TTC6: variants seen among roughly 807,000 people sequenced by gnomAD.
The protein encoded by TTC6 is tetratricopeptide repeat protein 6.
A neutral mutation model predicts 210.4 loss-of-function variants in TTC6; 172 were observed. The ratio of observed to expected loss-of-function variants is 0.82; its 90% CI spans 0.72 to 0.93. The LOEUF (loss-of-function observed/expected upper bound fraction) is 0.93, where lower values mean the gene tolerates loss of function less well. Among genes scored for constraint, TTC6 ranks in the 40% least tolerant of loss-of-function variants. The pLI is 0.00. For missense variants in TTC6, 2,414 were observed against 2,318.1 expected, an observed-to-expected ratio of 1.04 and a Z score of -0.85; for synonymous variants, 804 against 819.6, an observed-to-expected ratio of 0.98 and a Z score of 0.32.
At chr14:37,627,329 A>G (rs953290674) in intron 1 of TTC6, among the ~76,000 whole-genome samples, 1 of 151,286 alleles carries the variant, frequency 6.6e-6, no homozygotes, top group African/African-American at 2.4e-5. Flanking sequence ...TTTTATTATT[A>G]TACTTTAAGT....
chr14:37,793,361 C>CT (rs2139347719), intron 17 of TTC6, among the ~76,000 whole-genome samples: 1 of 152,230 alleles, frequency 6.6e-6, no homozygotes, highest in Admixed American at 6.5e-5. Context: ...AACAAAAAAA[C>CT]AAAAAACCCA....
chr14:37,770,982 CT>C (rs1462380428), intron 14 of TTC6, among the ~76,000 whole-genome samples: 65 of 124,398 alleles, frequency 5.2e-4, no homozygotes, highest in Non-Finnish European at 9.0e-4. Context: ...TTCAGGAGCT[CT>C]TTTAGGGCAG....
At chr14:37,748,786 T>G (rs2139016626) in intron 10 of TTC6, among the ~76,000 whole-genome samples, 153 bp from the exon 13 acceptor site, 1 of 152,296 alleles carries the variant, frequency 6.6e-6, no homozygotes, top group Admixed American at 6.5e-5. Flanking sequence ...GTGTTACCAT[T>G]TTATTAAATG....
At chr14:37,707,437 T>G (rs1330946334) in intron 5 of TTC6, among the ~76,000 whole-genome samples, 1 of 152,106 alleles carries the variant, frequency 6.6e-6, no homozygotes, top group Non-Finnish European at 1.5e-5. Context: ...ATCATTGTTT[T>G]GCTTAGATTT....
At chr14:37,727,291 A>ATTTTTTTTTTAT (rs2095874933) in intron 7 of TTC6, among the ~76,000 whole-genome samples, 1 of 92,242 alleles carries the variant, frequency 1.1e-5, no homozygotes, top group Non-Finnish European at 2.2e-5. Context: ...TATTTTTCTA[A>ATTTTTTTTTTAT]TTTTTTTTTT....
At chr14:37,685,472 AAAAG>A (rs2095791870) in intron 3 of TTC6, among the ~76,000 whole-genome samples, 2 of 152,192 alleles carry the variant, frequency 1.3e-5, no homozygotes, top group Admixed American at 1.3e-4. Flanking sequence ...AGGGGGAATA[AAAAG>A]AAAGATAACT....
At chr14:37,620,454 G>A (rs1005698852), upstream of TTC6, among the ~76,000 whole-genome samples, 7 of 152,142 alleles carry the variant, frequency 4.6e-5, no homozygotes, top group Non-Finnish European at 8.8e-5. Context: ...TCCTCTTGGT[G>A]TGTTCTGTGG....
chr14:37,769,359 A>G (rs921161501), intron 14 of TTC6, among the ~76,000 whole-genome samples: 8 of 151,636 alleles, frequency 5.3e-5, no homozygotes, highest in Non-Finnish European at 7.4e-5. Flanking sequence ...ATTGATTGGA[A>G]TAGTTTCAGA....
rs177833 is a variant in TTC6, at chr14:37,625,970, T to C, written c.939+2967T>C. ...CATTTTGGGCCACTTAATTTTTCAT[T>C]GAAGGTGGCTGTCCTGTGAATTGTA... On this transcript the variant is annotated intron_variant, in intron 1 of 30. Transcript: ENST00000553443. Among the ~76,000 whole-genome samples the C allele has an allele frequency of 1.4e-3, 209 of 152,310 alleles. 1 individual carries two copies. The highest frequency in any genetic ancestry group is 4.8e-3 in the African/African-American group (201 of 41,566).
chr14:37,760,675 C>A (rs193287305), intron 14 of TTC6, among the ~76,000 whole-genome samples: 7 of 152,310 alleles, frequency 4.6e-5, no homozygotes, highest in Admixed American at 4.6e-4. Context: ...CTATAAGCCC[C>A]TAACTGGGAC....
At chr14:37,773,362 A>G (rs917511277) in intron 14 of TTC6, among the ~76,000 whole-genome samples, 4 of 152,084 alleles carry the variant, frequency 2.6e-5, no homozygotes, top group African/African-American at 7.2e-5. Context: ...CCAGAATGAT[A>G]TTTACTAGGT....
At chr14:37,757,867 C>G (rs2095972719) in intron 14 of TTC6, among the ~76,000 whole-genome samples, 2 of 152,134 alleles carry the variant, frequency 1.3e-5, no homozygotes, top group Admixed American at 6.6e-5. Context: ...CCCAGAGATT[C>G]TGGTATGTTG....
chr14:37,689,131 AG>A (rs1354094061), intron 3 of TTC6, among the ~76,000 whole-genome samples: 2 of 130,256 alleles, frequency 1.5e-5, no homozygotes, highest in Non-Finnish European at 1.6e-5. Flanking sequence ...ATAATTAGAA[AG>A]AATCAAGCAG....
At chr14:37,629,090 C>T (rs2095665098) in intron 1 of TTC6, among the ~76,000 whole-genome samples, 1 of 152,124 alleles carries the variant, frequency 6.6e-6, no homozygotes, top group African/African-American at 2.4e-5. Flanking sequence ...GCTATACGGG[C>T]TCTTTTTTGG....
chr14:37,670,643 G>A (rs1338637172), intron 1 of TTC6, among the ~76,000 whole-genome samples: 1 of 151,612 alleles, frequency 6.6e-6, no homozygotes, highest in Non-Finnish European at 1.5e-5. Context: ...GCTAATTTTT[G>A]TATTTTTAGT....
At chr14:37,692,423 G>A (rs1043928672) in intron 3 of TTC6, among the ~76,000 whole-genome samples, 1 of 151,748 alleles carries the variant, frequency 6.6e-6, no homozygotes, top group Non-Finnish European at 1.5e-5. Flanking sequence ...ACACATCCTA[G>A]CAACAGAATA....
At chr14:37,651,399 ATATATATATATATATATATATATATATT>A (rs2095711024) in intron 1 of TTC6, among the ~76,000 whole-genome samples, 1 of 16,972 alleles carries the variant, frequency 5.9e-5, no homozygotes, top group Admixed American at 5.5e-4. Flanking sequence ...ATATATATAT[ATATATATATATATATATATATATATATT>A]TTTTTTTTTT....
rs548844211 is a variant in TTC6, at chr14:37,753,125, A to G, written c.3156A>G (p.Thr1052=). Reference sequence around the variant, plus strand: ...GTATTTTTTATGATCCCAAAAGAACAGATGCATTATTGAAACGTGGGCTGT... The same window carrying G: ...GTATTTTTTATGATCCCAAAAGAACGGATGCATTATTGAAACGTGGGCTGT... Residue 1052 remains threonine (T), a synonymous_variant, in exon 14 of 31, where the codon ACA becomes ACG. Transcript: ENST00000553443. 10 of 1,535,106 alleles carry G rather than the reference A, an allele frequency of 6.5e-6. No individual in the cohort carries two copies. The East Asian group carries it at 2.4e-4, about 38-fold the overall frequency.
intron 14 of TTC6, among the ~76,000 whole-genome samples, chr14:37,770,384 T>C (rs1444308732): frequency 1.3e-5 from 2 of 152,160 alleles, no homozygotes; most frequent in Non-Finnish European, 2.9e-5. Flanking sequence ...CATTGAACTG[T>C]CTAATGTTGA....
Sources: gnomAD v4.1 joint callset for allele counts (sites outside exome capture counted in the v4.1 genomes callset) on GRCh38, gnomAD v4.1.1 for gene constraint, MANE v1.5 for transcripts, NCBI Gene and HGNC (gene_info 2026-07-23, HGNC 2026-07-21) for gene names.